Variants in GALNT11 observed in about 807,000 individuals in gnomAD.
GALNT11 encodes the protein UDP-GalNAc:polypeptide N-acetylgalactosaminyltransferase 11.
GALNT11 carries 47 observed loss-of-function variants against 72.7 expected under a neutral mutation model. The observed-to-expected ratio is 0.65, with a 90% CI of 0.51 to 0.82. GALNT11 has a LOEUF of 0.82. Among genes scored for constraint, GALNT11 ranks in the 40% least tolerant of loss-of-function variants. The probability of loss-of-function intolerance (pLI) is 0.00; values close to 1 mark genes in which losing one functional copy is unlikely to be tolerated. For synonymous variants in GALNT11, 270 were observed against 286.6 expected, an observed-to-expected ratio of 0.94 and a Z score of 0.58; for missense variants, 677 against 778.4, an observed-to-expected ratio of 0.87 and a Z score of 1.55.
At chr7:152,092,849 C>T (rs771950513) in intron 1 of GALNT11, among the ~76,000 whole-genome samples, 33 of 152,166 alleles carry the variant, frequency 2.2e-4, no homozygotes, top group Non-Finnish European at 4.0e-4. Flanking sequence ...AGTCTGTTTA[C>T]TGAGATGATT....
In GALNT11 at chr7:152,032,071, G is replaced by A. The variant is rs144916933; in HGVS notation, c.-39+6187G>A. On this transcript the variant is annotated intron_variant, in intron 1 of 11. Coordinates refer to ENST00000430044, the MANE Select transcript of GALNT11 (RefSeq NM_022087.4). ...GCTGGGCCTTTGACCTAGATGCCTT[G>A]TACCCTTGATTAGCTAGAAAATTCA... is the stretch of plus-strand genomic sequence containing the variant. Among the ~76,000 whole-genome samples the A allele has an allele frequency of 3.6e-3, 553 of 152,302 alleles. 4 individuals carry two copies. The highest frequency in any genetic ancestry group is 0.013 in the African/African-American group (530 of 41,554).
chr7:152,087,186 G>A (rs936479149), intron 1 of GALNT11, among the ~76,000 whole-genome samples: 1 of 152,212 alleles, frequency 6.6e-6, no homozygotes, highest in Non-Finnish European at 1.5e-5. Context: ...AAGTAATTAT[G>A]TATACGTAAG....
intron 1 of GALNT11, among the ~76,000 whole-genome samples, chr7:152,035,553 G>C (rs2082530728): frequency 6.6e-6 from 1 of 152,200 alleles, no homozygotes; most frequent in African/African-American, 2.4e-5. Flanking sequence ...CCTCTCTGTC[G>C]ACCCTCGGCT....
intron 10 of GALNT11, chr7:152,120,581 T>C: frequency 2.4e-6 from 1 of 420,650 alleles, no homozygotes; most frequent in Non-Finnish European, 4.3e-6. Flanking sequence ...GGAAAAGAGT[T>C]AATTCAGTCA....
intron 1 of GALNT11, among the ~76,000 whole-genome samples, chr7:152,045,490 A>C (rs2083076739): frequency 6.6e-6 from 1 of 151,928 alleles, no homozygotes; most frequent in Non-Finnish European, 1.5e-5. Context: ...CAAGTTTTGG[A>C]TTTCTTAATA....
chr7:152,104,686 A>G (rs2087335084), intron 4 of GALNT11: 1 of 152,218 alleles, frequency 6.6e-6, no homozygotes, highest in South Asian at 2.1e-4. Flanking sequence ...CGATCTTTCA[A>G]GTTATTCTGA....
intron 1 of GALNT11, among the ~76,000 whole-genome samples, chr7:152,085,210 C>T (rs912383971): frequency 1.3e-5 from 2 of 152,216 alleles, no homozygotes; most frequent in East Asian, 1.9e-4. Context: ...CAAAAACCCA[C>T]GTCTCAGCTT....
chr7:152,094,712 C>G lies in GALNT11; in HGVS notation c.295+190C>G, dbSNP rs1157920618. The stretch of plus-strand genomic sequence containing the variant: ...GAGTTATATTCTAATTTATCCAGTT[C>G]TGACTTCAGTATCTTATGAGAAAAC... On this transcript the variant is annotated intron_variant, in intron 2 of 11. Transcript: ENST00000430044. The surrounding 1 kb of genome is among the most constrained non-coding windows in gnomAD (Gnocchi z 4.3). Among the ~76,000 whole-genome samples, 1 of 152,144 alleles carries G rather than the reference C, an allele frequency of 6.6e-6. No homozygotes were observed. The highest frequency in any genetic ancestry group is 1.5e-5 in the Non-Finnish European group (1 of 68,030).
intron 5 of GALNT11, 106 bp from the exon 6 acceptor site, chr7:152,107,932 G>C (rs1434638077): frequency 2.2e-6 from 3 of 1,336,074 alleles, no homozygotes; most frequent in African/African-American, 2.9e-5. Flanking sequence ...TGGGAGGGTG[G>C]CAGTCGTGTT....
At chr7:152,121,241 G>A (rs2089402694) in intron 11 of GALNT11, among the ~76,000 whole-genome samples, 1 of 152,236 alleles carries the variant, frequency 6.6e-6, no homozygotes, top group South Asian at 2.1e-4. Context: ...TACTGTGGTT[G>A]CGCAGTGGCT....
intron 2 of GALNT11, among the ~76,000 whole-genome samples, chr7:152,096,771 G>A (rs117485471): frequency 2.6e-5 from 4 of 151,024 alleles, no homozygotes; most frequent in South Asian, 2.1e-4. Context: ...GAAAATATTT[G>A]TAAATCATAT....
chr7:152,039,165 C>T lies in GALNT11; in HGVS notation c.-39+13281C>T, dbSNP rs117011589. On this transcript the variant is annotated intron_variant, in intron 1 of 11. Transcript: ENST00000430044. ...ATGGCACGCAGACTGAGGTGCAATT[C>T]AAGCTAAACATCCCCTAGGGGACCA... Among the ~76,000 whole-genome samples, 74 of 152,326 alleles carry T rather than the reference C, an allele frequency of 4.9e-4. No homozygotes were observed. In the East Asian group the frequency reaches 0.014, roughly 29 times the overall value.
intron 2 of GALNT11, among the ~76,000 whole-genome samples, chr7:152,095,533 T>C (rs1379964921): frequency 6.6e-6 from 1 of 152,166 alleles, no homozygotes; most frequent in African/African-American, 2.4e-5. Context: ...CAAAAGTATG[T>C]AAAATTTTAT....
intron 1 of GALNT11, among the ~76,000 whole-genome samples, chr7:152,060,344 A>T (rs1201347506): frequency 6.6e-6 from 1 of 152,200 alleles, no homozygotes; most frequent in African/African-American, 2.4e-5. Flanking sequence ...GTTCACTGGC[A>T]TAGCACTTTT....
At chr7:152,045,679 T>C (rs1299989942) in intron 1 of GALNT11, among the ~76,000 whole-genome samples, 1 of 152,136 alleles carries the variant, frequency 6.6e-6, no homozygotes, top group Non-Finnish European at 1.5e-5. Flanking sequence ...CTCTTTTTTT[T>C]CATAGTCTGG....
chr7:152,118,829 C>T (rs2089144072), intron 10 of GALNT11, 47 bp downstream of exon 10: 2 of 1,500,944 alleles, frequency 1.3e-6, no homozygotes, highest in African/African-American at 1.4e-5. Context: ...AAGGAGGCTT[C>T]CAGTGTAGGG....
intron 1 of GALNT11, among the ~76,000 whole-genome samples, chr7:152,039,944 A>C (rs1384099564): frequency 6.6e-6 from 1 of 152,018 alleles, no homozygotes; most frequent in Non-Finnish European, 1.5e-5. Flanking sequence ...TAAAGTTAAG[A>C]ATGCTAGATT....
chr7:152,090,480 CACT>C (rs2085939365), intron 1 of GALNT11, among the ~76,000 whole-genome samples: 3 of 152,290 alleles, frequency 2.0e-5, no homozygotes, highest in South Asian at 4.1e-4. Context: ...GTTGTATTTT[CACT>C]ACTTAGGTTC....
chr7:152,073,850 G>A (rs973388663), intron 1 of GALNT11, among the ~76,000 whole-genome samples: 2 of 152,172 alleles, frequency 1.3e-5, no homozygotes, highest in African/African-American at 4.8e-5. Flanking sequence ...CTCTAACTGG[G>A]ATGAGATGAT....
Sources: gnomAD v4.1 joint callset for allele counts (sites outside exome capture counted in the v4.1 genomes callset) on GRCh38, gnomAD v4.1.1 for gene constraint, Gnocchi (gnomAD v3.1) non-coding constraint, MANE v1.5 for transcripts, NCBI Gene and HGNC (gene_info 2026-07-23, HGNC 2026-07-21) for gene names.